The following SLC23A1 variants were observed in gnomAD, a reference collection of about 807,000 sequenced individuals.
SLC23A1 encodes the protein Na(+)/L-ascorbic acid transporter 1.
Under a neutral mutation model 62.5 loss-of-function variants are expected in SLC23A1, and 31 were observed. The observed-to-expected ratio is 0.50, with a 90% CI of 0.37 to 0.67. The LOEUF (loss-of-function observed/expected upper bound fraction) is 0.67. SLC23A1 is among the 30% of genes least tolerant of loss of function. The probability of loss-of-function intolerance (pLI) is 0.00; values close to 1 mark genes in which losing one functional copy is unlikely to be tolerated. For missense variants in SLC23A1, 640 were observed against 782.7 expected (o/e 0.82, Z 2.18); for synonymous variants, 271 against 313.2 (o/e 0.87, Z 1.42).
intron 3 of SLC23A1, among the ~76,000 whole-genome samples, chr5:139,381,489 G>A (rs1210651047): frequency 6.6e-6 from 1 of 152,046 alleles, no homozygotes; most frequent in East Asian, 1.9e-4. Flanking sequence ...AGCTACTCAG[G>A]AGGCTAAGGT....
At chr5:139,381,860 CG>C in intron 3 of SLC23A1, 31 bp downstream of exon 3, 1 of 962,888 alleles carries the variant, frequency 1.0e-6, no homozygotes, top group African/African-American at 2.1e-5. Flanking sequence ...GGAGGGGTGG[CG>C]GGGGACGGGT....
intron 14 of SLC23A1, among the ~76,000 whole-genome samples, chr5:139,371,780 A>C (rs1757683774): frequency 6.6e-6 from 1 of 152,236 alleles, no homozygotes; most frequent in Admixed American, 6.5e-5. Flanking sequence ...GGCCCACACT[A>C]GTTGGGAAGT....
upstream of SLC23A1, chr5:139,384,249 G>A (rs543513500): frequency 1.5e-5 from 13 of 874,186 alleles, no homozygotes; most frequent in Admixed American, 3.8e-4. Flanking sequence ...GGGGACATGG[G>A]GAGGGGCCCT....
At position 139,382,612 on chromosome 5, in the gene SLC23A1, G is replaced by A. The variant is rs1486413023; in HGVS notation, c.37-7C>T. On this transcript the variant is annotated splice_polypyrimidine_tract_variant and splice_region_variant and intron_variant, in intron 1 of 14. Transcript: ENST00000348729. The stretch of plus-strand genomic sequence containing the variant: ...GGTCCCTGGTGGTTTCATGCTGGAG[G>A]CAGCAGAGATAAGTAGCTTAGGGTG... The A allele has an allele frequency of 6.4e-7, 1 of 1,566,430 alleles. No individual in the cohort carries two copies. The highest frequency in any genetic ancestry group is 8.8e-7 in the Non-Finnish European group (1 of 1,137,714).
intron 14 of SLC23A1, chr5:139,368,754 A>G (rs1043858566): frequency 1.5e-5 from 25 of 1,613,530 alleles, no homozygotes; most frequent in Non-Finnish European, 1.9e-5. Flanking sequence ...TCTGAATCCA[A>G]ATGCAAAGGA....
upstream of SLC23A1, among the ~76,000 whole-genome samples, chr5:139,383,565 C>T (rs184576762): frequency 6.7e-4 from 102 of 152,216 alleles, no homozygotes; most frequent in African/African-American, 2.3e-3. Flanking sequence ...TTTACCAAGC[C>T]CCAGGTGAGC....
At position 139,381,954 on chromosome 5, in the gene SLC23A1, G is replaced by C; in HGVS notation, c.246C>G (p.Leu82=). 2 of 1,591,898 alleles carry C rather than the reference G, an allele frequency of 1.3e-6. No homozygotes were observed. The highest frequency in any genetic ancestry group is 1.7e-6 in the Non-Finnish European group (2 of 1,169,784). ...CCACGCACGTGAAGATGGTGCCGAT[G>C]AGCTGACTAACCATGTGCTGGTCGT... ...VGHDQHMVSQ[L]IGTIFTCVGI... The change falls in exon 3 of 15, where the codon CTC becomes CTG. Residue 82 remains leucine (L), a synonymous_variant. Transcript: ENST00000348729.
chr5:139,381,824 C>A, intron 3 of SLC23A1, 68 bp downstream of exon 3: 3 of 1,339,506 alleles, frequency 2.2e-6, no homozygotes, highest in Non-Finnish European at 3.1e-6. Context: ...TGGGAGCCCA[C>A]CTGCTCCTGC....
chr5:139,378,172 T>C lies in SLC23A1; in HGVS notation c.1309+50A>G. The C allele has an allele frequency of 6.2e-7, 1 of 1,612,690 alleles. No individual in the cohort carries two copies. The highest frequency in any genetic ancestry group is 8.5e-7 in the Non-Finnish European group (1 of 1,179,440). On this transcript the variant is annotated intron_variant, in intron 11 of 14. Transcript: ENST00000348729. This position sits in a 1 kb window ranked among gnomAD's most constrained non-coding sequence, Gnocchi z 4.5. ...GCCGCACACGCGTAATCCAGGTGAGTCCCACTCGGCGACCCGCACCGCGAC... is the reference window on the plus strand; with the variant it reads ...GCCGCACACGCGTAATCCAGGTGAGCCCCACTCGGCGACCCGCACCGCGAC...
chr5:139,381,950 C>T lies in SLC23A1; in HGVS notation c.250G>A (p.Gly84Ser), dbSNP rs775550290. ...ATGCCCACGCACGTGAAGATGGTGC[C>T]GATGAGCTGACTAACCATGTGCTGG... is the stretch of plus-strand genomic sequence containing the variant. ...HDQHMVSQLI[G>S]TIFTCVGITT... Residue 84 changes from glycine (G) to serine (S), a missense_variant, in exon 3 of 15, where the codon GGC (glycine) becomes AGC (serine). Gly to Ser is a moderately conservative substitution (Grantham distance 56, BLOSUM62 0). Coordinates refer to ENST00000348729, the MANE Select transcript of SLC23A1 (RefSeq NM_005847.5). 1.9e-5 allele frequency: 30 copies of T among 1,588,814 alleles called. No individual in the cohort carries two copies. Among genetic ancestry groups the T allele is most frequent in the Middle Eastern group, 1.8e-4 (1 of 5,470 alleles).
intron 5 of SLC23A1, 40 bp from the exon 6 acceptor site, chr5:139,380,429 G>A (rs754549721): frequency 1.9e-6 from 3 of 1,611,100 alleles, no homozygotes; most frequent in Non-Finnish European, 1.7e-6. Flanking sequence ...CCATGTAAAG[G>A]TCATGACCTG....
Position 139,372,094 on chromosome 5 carries a change from C to T in SLC23A1, c.1709G>A (p.Gly570Glu), listed in dbSNP as rs1430292467. Residue 570 changes from glycine (G) to glutamate (E), a missense_variant, in exon 14 of 15, where the codon GGA (glycine) becomes GAA (glutamate). Transcript: ENST00000348729. ...CTGATCTTTTGAACTTGAAGAAAAT[C>T]CTTTGAAGACTGGGCAGATAGGAAT... The part of the protein sequence containing the change: ...KYIPICPVFK[G>E]FSSSSKDQIA... 6.2e-7 allele frequency: 1 copy of T among 1,613,016 alleles called. No individual in the cohort carries two copies. Among genetic ancestry groups the T allele is most frequent in the African/African-American group, 1.3e-5 (1 of 74,918 alleles).
intron 13 of SLC23A1, among the ~76,000 whole-genome samples, chr5:139,373,510 A>G (rs1278147641): frequency 1.3e-5 from 2 of 152,144 alleles, no homozygotes; most frequent in Non-Finnish European, 2.9e-5. Flanking sequence ...ATTCTCCCTC[A>G]GGTGGGGCAG....
At position 139,380,595 on chromosome 5, in the gene SLC23A1, G is replaced by A; in HGVS notation, c.435C>T (p.Thr145=). 2 of 1,614,058 alleles carry A rather than the reference G, an allele frequency of 1.2e-6. No individual in the cohort carries two copies. The highest frequency in any genetic ancestry group is 1.7e-6 in the Non-Finnish European group (2 of 1,179,970). The change falls in exon 5 of 15, where the codon ACC becomes ACT. Residue 145 remains threonine (T), a synonymous_variant. Transcript: ENST00000348729. ...GTATCCGTGGGTGCCAAATATGAGA[G>A]GTGTTCAGGGGCAGACTCCAGTTAC... The part of the protein sequence containing the change: ...IYGNWSLPLN[T]SHIWHPRIRE...
In SLC23A1 at chr5:139,367,415, A is replaced by G. The variant is rs1475814192; in HGVS notation, c.*236T>C. On this transcript the variant is annotated 3_prime_UTR_variant, in exon 15 of 15. Coordinates refer to ENST00000348729, the MANE Select transcript of SLC23A1 (RefSeq NM_005847.5). Reference sequence around the variant, plus strand: ...AGTCTACTTAGGAGAGTAAAGATTTAGAGACATAGCATAACATTGGTACAA... The same window carrying G: ...AGTCTACTTAGGAGAGTAAAGATTTGGAGACATAGCATAACATTGGTACAA... The G allele has an allele frequency of 6.6e-6, 1 of 152,182 alleles. No homozygotes were observed. Among genetic ancestry groups the G allele is most frequent in the East Asian group, 1.9e-4 (1 of 5,198 alleles). The allele number at this position is 152,182 out of a possible 1,614,324, so 9.4% of individuals were successfully genotyped here.
intron 14 of SLC23A1, among the ~76,000 whole-genome samples, chr5:139,367,937 C>T (rs899171091): frequency 2.6e-5 from 4 of 152,222 alleles, no homozygotes; most frequent in Admixed American, 2.0e-4. Context: ...GGTGCAGTGG[C>T]TCACGCCTGT....
chr5:139,368,636 T>G, intron 14 of SLC23A1: 1 of 794,588 alleles, frequency 1.3e-6, no homozygotes, highest in Non-Finnish European at 2.1e-6. Flanking sequence ...TCTTTTGTCT[T>G]TTTTTTTTTG....
chr5:139,380,523 T>G, intron 5 of SLC23A1, 42 bp downstream of exon 5: 8 of 1,605,216 alleles, frequency 5.0e-6, no homozygotes, highest in Non-Finnish European at 6.8e-6. Flanking sequence ...ATATAGCCCC[T>G]CCTCAGGACC....
chr5:139,381,340 A>G (rs1199300754), intron 3 of SLC23A1, among the ~76,000 whole-genome samples: 3 of 152,230 alleles, frequency 2.0e-5, no homozygotes, highest in Non-Finnish European at 4.4e-5. Flanking sequence ...CATCTGGGCA[A>G]TATTCAGAAT....
Sources: gnomAD v4.1 joint callset for allele counts (sites outside exome capture counted in the v4.1 genomes callset) on GRCh38, gnomAD v4.1.1 for gene constraint, Gnocchi (gnomAD v3.1) non-coding constraint, MANE v1.5 for transcripts, NCBI Gene and HGNC (gene_info 2026-07-23, HGNC 2026-07-21) for gene names.